The following GREB1L variants were observed in gnomAD, a reference collection of about 807,000 sequenced individuals.
GREB1L encodes the protein GREB1-like protein.
GREB1L carries 17 observed loss-of-function variants against 200.8 expected under a neutral mutation model. That is an observed-to-expected ratio of 0.08 (90% CI 0.06 to 0.13). GREB1L has a LOEUF of 0.13. Among genes scored for constraint, GREB1L ranks in the 10% least tolerant of loss-of-function variants. The pLI, the probability that GREB1L is intolerant of heterozygous loss-of-function variation, is 1.00. For missense variants in GREB1L, 1,657 were observed against 2,367.7 expected, an observed-to-expected ratio of 0.70 and a Z score of 6.23; for synonymous variants, 789 against 893.0, an observed-to-expected ratio of 0.88 and a Z score of 2.08.
chr18:21,268,775 T>C (rs1354238641), intron 1 of GREB1L, among the ~76,000 whole-genome samples: 1 of 151,254 alleles, frequency 6.6e-6, no homozygotes, highest in Non-Finnish European at 1.5e-5. Context: ...TTTTGTATTT[T>C]TTTGTAGAGA....
rs1415733821 is a variant in GREB1L, at chr18:21,500,280, C to T, written c.3943C>T (p.Arg1315Trp). The change falls in exon 22 of 33, where the codon CGG becomes TGG. Residue 1315 changes from arginine (R) to tryptophan (W), a missense_variant. By Grantham distance (101) the Arg-to-Trp change is moderately radical. Transcript: ENST00000424526. ...TGGCACCCGAAACTTCCACCCCCGA[C>T]GGCTCCTGCTGACAGGGCCCCCACA... ...ASGTRNFHPRRLLLTGPPQVG... is the reference protein window; with the variant it reads ...ASGTRNFHPRWLLLTGPPQVG... 1.4e-6 allele frequency: 2 copies of T among 1,389,806 alleles called. No individual in the cohort carries two copies. The highest frequency in any genetic ancestry group is 2.0e-6 in the Non-Finnish European group (2 of 1,012,248). 86.1% of individuals were successfully genotyped at this position (1,389,806 alleles called of 1,614,324 possible). A position where few individuals can be genotyped will look rare whatever the true frequency, so the allele number is the denominator to read the frequency against.
At chr18:21,253,249 ATTTT>A (rs66924517) in intron 1 of GREB1L, among the ~76,000 whole-genome samples, 5 of 127,140 alleles carry the variant, frequency 3.9e-5, no homozygotes, top group African/African-American at 1.5e-4. Flanking sequence ...TATTTCAAGA[ATTTT>A]TTTTTTTTTT....
intron 1 of GREB1L, among the ~76,000 whole-genome samples, chr18:21,361,929 G>A (rs1280346055): frequency 6.6e-6 from 1 of 152,124 alleles, no homozygotes; most frequent in East Asian, 1.9e-4. Flanking sequence ...GTTGAATGAT[G>A]TGGTAGTTTT....
Position 21,522,805 on chromosome 18 carries a change from C to A in GREB1L, c.5756C>A (p.Thr1919Asn). ...SSDDKPLYFL[T>N]GRHV ...GATGACAAGCCTCTCTACTTTCTTA[C>A]TGGACGTCATGTATGAGCTTTTGAA... is the stretch of plus-strand genomic sequence containing the variant. The change falls in exon 33 of 33, where the codon ACT (threonine) becomes AAT (asparagine). Residue 1919 changes from threonine to asparagine, a missense_variant. Thr to Asn is a moderately conservative substitution (Grantham distance 65, BLOSUM62 0). This residue lies in a region of GREB1L where 190 missense variants were observed against 230.2 expected (regional missense o/e 0.83). Coordinates refer to ENST00000424526, the MANE Select transcript of GREB1L (RefSeq NM_001142966.3). 6.4e-7 allele frequency: 1 copy of A among 1,551,130 alleles called. No individual in the cohort carries two copies. The highest frequency in any genetic ancestry group is 1.4e-5 in the African/African-American group (1 of 73,160).
chr18:21,373,813 G>C (rs1351806205), intron 2 of GREB1L, among the ~76,000 whole-genome samples: 1 of 152,144 alleles, frequency 6.6e-6, no homozygotes, highest in African/African-American at 2.4e-5. Context: ...CCTGCTTGTA[G>C]TGCTTTGTTT....
At chr18:21,308,083 A>G (rs1258313095) in intron 1 of GREB1L, among the ~76,000 whole-genome samples, 1 of 152,230 alleles carries the variant, frequency 6.6e-6, no homozygotes, top group South Asian at 2.1e-4. Context: ...TCTGATACAA[A>G]TGACTTACTG....
At position 21,508,111 on chromosome 18, in the gene GREB1L, A is replaced by T. The variant is rs2146022866; in HGVS notation, c.4369-7A>T. On this transcript the variant is annotated splice_polypyrimidine_tract_variant and splice_region_variant and intron_variant, in intron 25 of 32. Transcript: ENST00000424526. ...ACGTTCCCTCCCTTTCTTCTTTGCA[A>T]ATGTAGATGTCTGACTCCACCCTTC... The T allele has an allele frequency of 6.4e-7, 1 of 1,551,148 alleles. No homozygotes were observed. Among genetic ancestry groups the T allele is most frequent in the East Asian group, 2.4e-5 (1 of 40,932 alleles).
chr18:21,254,473 A>T (rs972527194), intron 1 of GREB1L, among the ~76,000 whole-genome samples: 4 of 152,058 alleles, frequency 2.6e-5, no homozygotes, highest in African/African-American at 9.7e-5. Flanking sequence ...CAAATGATCA[A>T]ATGTCTTTTA....
At chr18:21,451,997 C>A in intron 13 of GREB1L, 86 bp from the exon 14 acceptor site, 2 of 1,280,174 alleles carry the variant, frequency 1.6e-6, no homozygotes, top group Non-Finnish European at 2.2e-6. Flanking sequence ...CTACTGAGAA[C>A]AGCCTAACTG....
At chr18:21,433,009 C>T (rs1055677314) in intron 7 of GREB1L, among the ~76,000 whole-genome samples, 2 of 152,002 alleles carry the variant, frequency 1.3e-5, no homozygotes, top group African/African-American at 4.8e-5. Context: ...ACCCAGCTGA[C>T]ATTTTCAAAC....
At chr18:21,399,384 C>G (rs1345851736) in intron 5 of GREB1L, among the ~76,000 whole-genome samples, 4 of 151,976 alleles carry the variant, frequency 2.6e-5, no homozygotes, top group African/African-American at 9.7e-5. Context: ...GTGCCTGCCA[C>G]AGTGTCTAGC....
chr18:21,398,578 T>G (rs2041182291), intron 5 of GREB1L, among the ~76,000 whole-genome samples: 1 of 152,242 alleles, frequency 6.6e-6, no homozygotes, highest in Non-Finnish European at 1.5e-5. Flanking sequence ...CTGGGATTTT[T>G]ACATGTTTGA....
At chr18:21,518,972 G>A (rs943364895) in intron 31 of GREB1L, among the ~76,000 whole-genome samples, 3 of 151,730 alleles carry the variant, frequency 2.0e-5, no homozygotes, top group Admixed American at 2.0e-4. Context: ...CTTTTTCTTT[G>A]TATGTATTGA....
chr18:21,453,570 G>A (rs1033668876), intron 14 of GREB1L, among the ~76,000 whole-genome samples: 5 of 152,172 alleles, frequency 3.3e-5, no homozygotes, highest in African/African-American at 7.2e-5. Flanking sequence ...GCACGTATAA[G>A]AAAGATTGAT....
chr18:21,452,117 A>G lies in GREB1L; in HGVS notation c.1884A>G (p.Gln628=). Residue 628 remains glutamine, a synonymous_variant, in exon 14 of 33, where the codon CAA becomes CAG. Coordinates refer to ENST00000424526, the MANE Select transcript of GREB1L (RefSeq NM_001142966.3). ...DDLDKLLEKM[Q]QRRGDSVVTP... is the part of the protein sequence containing the mutation. Reference sequence around the variant, plus strand: ...TAGACAAGCTGCTGGAAAAAATGCAACAAAGAAGAGGAGACAGTGTGGTTA... The same window carrying G: ...TAGACAAGCTGCTGGAAAAAATGCAGCAAAGAAGAGGAGACAGTGTGGTTA... The G allele has an allele frequency of 6.4e-7, 1 of 1,552,240 alleles. No homozygotes were observed. Among genetic ancestry groups the G allele is most frequent in the Non-Finnish European group, 8.7e-7 (1 of 1,147,052 alleles).
At chr18:21,509,277 C>G (rs1477442104) in intron 27 of GREB1L, among the ~76,000 whole-genome samples, 12 of 152,348 alleles carry the variant, frequency 7.9e-5, no homozygotes, top group African/African-American at 2.9e-4. Flanking sequence ...CTGGACACTT[C>G]TTGCGCTGCA....
chr18:21,459,044 G>A (rs1412944148), intron 15 of GREB1L, among the ~76,000 whole-genome samples: 2 of 151,894 alleles, frequency 1.3e-5, no homozygotes, highest in Non-Finnish European at 2.9e-5. Flanking sequence ...AAATGGGAGC[G>A]GATCTGGAGG....
chr18:21,260,163 A>T (rs1480817830), intron 1 of GREB1L, among the ~76,000 whole-genome samples: 1 of 151,986 alleles, frequency 6.6e-6, no homozygotes, highest in Non-Finnish European at 1.5e-5. Flanking sequence ...TTTTCTTATA[A>T]ATTCACTTTT....
At chr18:21,242,875 C>T (rs1389906370) in intron 1 of GREB1L, among the ~76,000 whole-genome samples, 1 of 152,050 alleles carries the variant, frequency 6.6e-6, no homozygotes, top group Admixed American at 6.5e-5. Flanking sequence ...GGGCGGGCGA[C>T]AGGTAGGGCG....
Sources: allele counts gnomAD v4.1 joint callset (sites outside exome capture counted in the v4.1 genomes callset), GRCh38; gene constraint gnomAD v4.1.1; regional missense constraint gnomAD v4.1.1; transcripts MANE v1.5; gene names NCBI Gene and HGNC (gene_info 2026-07-23, HGNC 2026-07-21).